Variants in CTNND1 observed in about 807,000 individuals in gnomAD.
CTNND1 encodes catenin delta-1.
A neutral mutation model predicts 112.1 loss-of-function variants in CTNND1; 16 were observed. That is an observed-to-expected ratio of 0.14 (90% confidence interval 0.10 to 0.22). The LOEUF is 0.22. CTNND1 is among the 10% of genes least tolerant of loss of function. The pLI is 1.00. For synonymous variants in CTNND1, 420 were observed against 446.5 expected (o/e 0.94, Z 0.75); for missense variants, 1,008 against 1,257.0 (o/e 0.80, Z 3.00).
At position 57,811,996 on chromosome 11, in the gene CTNND1, A is replaced by G. The variant is rs11570218; in HGVS notation, c.2638+510A>G. On this transcript the variant is annotated intron_variant, in intron 17 of 20. Coordinates refer to ENST00000399050, the MANE Select transcript of CTNND1 (RefSeq NM_001085458.2). The stretch of plus-strand genomic sequence containing the variant: ...TTCACATAAAGTGTATATTGTGACC[A>G]TTATTATCTTAATCACACTTGGCTT... 6.3e-3 allele frequency among the ~76,000 whole-genome samples: 953 copies of G among 152,246 alleles called. 17 individuals are homozygous for G. The highest frequency in any genetic ancestry group is 0.022 in the African/African-American group (908 of 41,542).
At chr11:57,811,550 A>G (rs1329456830) in intron 17 of CTNND1, 64 bp downstream of exon 17, 11 of 1,046,108 alleles carry the variant, frequency 1.1e-5, no homozygotes, top group Non-Finnish European at 1.6e-5. Context: ...GTGGCTTACT[A>G]AGAAATAGGA....
rs374133997 is a variant in CTNND1 at position 57,810,251 on chromosome 11, T to C, written c.2550+28T>C. On this transcript the variant is annotated intron_variant, in intron 16 of 20. Transcript: ENST00000399050. ...ATAGTAACTTTTGAGACCAAGACTTTTACTTTTTTTTTCTTGGTCCCAGGA... is the reference window on the plus strand; with the variant it reads ...ATAGTAACTTTTGAGACCAAGACTTCTACTTTTTTTTTCTTGGTCCCAGGA... 46 of 1,521,798 alleles carry C rather than the reference T, an allele frequency of 3.0e-5. No individual in the cohort carries two copies. The African/African-American group carries it at 6.0e-4, about 20-fold the overall frequency. The allele number at this position is 1,521,798 out of a possible 1,614,324, so 94.3% of individuals were successfully genotyped here. A position where few individuals can be genotyped will look rare whatever the true frequency, so the allele number is the denominator to read the frequency against.
At chr11:57,783,489 C>G (rs1173375332) in intron 1 of CTNND1, among the ~76,000 whole-genome samples, 2 of 151,922 alleles carry the variant, frequency 1.3e-5, no homozygotes, top group African/African-American at 4.8e-5. Context: ...GAAACCCCGT[C>G]TCTACTAAAA....
At chr11:57,808,599 AG>A in intron 14 of CTNND1, 59 bp downstream of exon 14, 1 of 1,436,080 alleles carries the variant, frequency 7.0e-7, no homozygotes, top group Non-Finnish European at 9.2e-7. Context: ...GTAGTCCAGC[AG>A]GTGCCTAATA....
intron 6 of CTNND1, among the ~76,000 whole-genome samples, chr11:57,799,210 AGACCTC>A (rs1472679084): frequency 6.6e-6 from 1 of 152,238 alleles, no homozygotes; most frequent in Admixed American, 6.5e-5. Flanking sequence ...CAGGAGCACC[AGACCTC>A]GGCTGGTGCA....
chr11:57,815,484 GAAC>G lies in CTNND1; in HGVS notation c.2797_2799del (p.Thr933del), dbSNP rs1200570697. ...CTAGGCGACATGGAGCCATTGAAGG[GAAC>G]AACACCCTTGATGGTAAATTCTCTT... On this transcript the variant is annotated inframe_deletion, in exon 19 of 21. Transcript: ENST00000399050. The G allele has an allele frequency of 6.2e-7, 1 of 1,611,336 alleles. No homozygotes were observed. The highest frequency in any genetic ancestry group is 8.5e-7 in the Non-Finnish European group (1 of 1,178,358).
intron 17 of CTNND1, 101 bp downstream of exon 17, chr11:57,811,587 CT>C (rs1430968010): frequency 5.2e-5 from 40 of 770,750 alleles, no homozygotes; most frequent in Non-Finnish European, 4.5e-5. Context: ...ATTAGCTAGC[CT>C]TTTGTGGGAG....
chr11:57,762,233 A>ATC (rs1369377697), intron 1 of CTNND1, 114 bp downstream of exon 1: 5 of 391,796 alleles, frequency 1.3e-5, no homozygotes, highest in Non-Finnish European at 1.7e-5. Context: ...TTGGTATTTT[A>ATC]TTATATTTAA....
intron 5 of CTNND1, 35 bp downstream of exon 5, chr11:57,795,764 A>C (rs1013176954): frequency 1.3e-6 from 2 of 1,538,898 alleles, no homozygotes; most frequent in East Asian, 4.6e-5. Flanking sequence ...TGGAAGTGAT[A>C]AGAGGTCTTT....
At chr11:57,766,309 GT>G (rs1373967272) in intron 1 of CTNND1, among the ~76,000 whole-genome samples, 2 of 152,144 alleles carry the variant, frequency 1.3e-5, no homozygotes, top group Non-Finnish European at 2.9e-5. Flanking sequence ...TGGGATGATA[GT>G]TTTGAACATC....
chr11:57,789,199 T>C, intron 2 of CTNND1, 44 bp downstream of exon 2: 1 of 1,300,294 alleles, frequency 7.7e-7, no homozygotes, highest in Middle Eastern at 1.9e-4. Flanking sequence ...AATCTTACTT[T>C]TTAAGAAATA....
At chr11:57,763,034 G>A (rs1348422569) in intron 1 of CTNND1, among the ~76,000 whole-genome samples, 1 of 152,138 alleles carries the variant, frequency 6.6e-6, no homozygotes, top group Non-Finnish European at 1.5e-5. Flanking sequence ...AAACAAGGGA[G>A]ATTTTTATTT....
In CTNND1 at chr11:57,808,412, C is replaced by G; in HGVS notation, c.2114C>G (p.Ala705Gly). Residue 705 changes from alanine to glycine, a missense_variant, in exon 14 of 21, where the codon GCT (alanine) becomes GGT (glycine). Transcript: ENST00000399050. Reference protein sequence around the residue: ...RWTYGRYIRSALRQEKALSAI... With the variant: ...RWTYGRYIRSGLRQEKALSAI... ...TAGTATGGTCGATACATCCGCTCTG[C>G]TCTGCGTCAAGAGAAGGCTCTTTCT... 6.2e-7 allele frequency: 1 copy of G among 1,611,488 alleles called. No individual in the cohort carries two copies. The highest frequency in any genetic ancestry group is 8.5e-7 in the Non-Finnish European group (1 of 1,178,536).
chr11:57,811,461 T>C lies in CTNND1; in HGVS notation c.2613T>C (p.Pro871=), dbSNP rs749558157. The change falls in exon 17 of 21, where the codon CCT becomes CCC. Residue 871 remains proline (P), a synonymous_variant. Coordinates refer to ENST00000399050, the MANE Select transcript of CTNND1 (RefSeq NM_001085458.2). ...SSHSYDDSTL[P]LIDRNQKSDK... ...ATTCATATGATGATAGTACTCTCCCTCTCATTGACCGGAACCAAAAATCAG... is the reference window on the plus strand; with the variant it reads ...ATTCATATGATGATAGTACTCTCCCCCTCATTGACCGGAACCAAAAATCAG... 6.2e-7 allele frequency: 1 copy of C among 1,613,370 alleles called. No individual in the cohort carries two copies. The highest frequency in any genetic ancestry group is 8.5e-7 in the Non-Finnish European group (1 of 1,179,684).
At chr11:57,768,985 A>AT (rs539357671) in intron 1 of CTNND1, among the ~76,000 whole-genome samples, 1,575 of 146,940 alleles carry the variant, frequency 0.011, 18 homozygotes, top group South Asian at 0.052. Context: ...TCTTTGAATA[A>AT]TTTTTTTTTT....
chr11:57,790,549 TG>T (rs2136643368), intron 2 of CTNND1, among the ~76,000 whole-genome samples: 2 of 131,828 alleles, frequency 1.5e-5, no homozygotes, highest in Non-Finnish European at 3.2e-5. Context: ...TGTCTGTGTG[TG>T]TGTTTTTTTT....
Position 57,811,501 on chromosome 11 carries a change from A to T in CTNND1, c.2638+15A>T. On this transcript the variant is annotated intron_variant, in intron 17 of 20. Coordinates refer to ENST00000399050, the MANE Select transcript of CTNND1 (RefSeq NM_001085458.2). ...CCAAAAATCAGGTGCAGTATCCAGA[A>T]GGCACACCCTCTCCTTTTAGCCACT... 1.9e-6 allele frequency: 3 copies of T among 1,569,440 alleles called. No homozygotes were observed. The highest frequency in any genetic ancestry group is 2.6e-6 in the Non-Finnish European group (3 of 1,140,896).
intron 3 of CTNND1, among the ~76,000 whole-genome samples, chr11:57,792,832 ATTTTTTT>A (rs35942817): frequency 1.4e-5 from 2 of 140,372 alleles, no homozygotes; most frequent in Non-Finnish European, 3.1e-5. Context: ...CGGCTGAGTG[ATTTTTTT>A]TTTTTTTTTT....
chr11:57,805,643 A>G (rs2062578956), intron 9 of CTNND1, among the ~76,000 whole-genome samples: 1 of 152,044 alleles, frequency 6.6e-6, no homozygotes, highest in South Asian at 2.1e-4. Context: ...TGATGATCCA[A>G]TTTCAGTCAC....
Sources: gnomAD v4.1 joint callset for allele counts (sites outside exome capture counted in the v4.1 genomes callset) on GRCh38, gnomAD v4.1.1 for gene constraint, MANE v1.5 for transcripts, NCBI Gene and HGNC (gene_info 2026-07-23, HGNC 2026-07-21) for gene names.